The following AMZ1 variants were observed in gnomAD, a reference collection of about 807,000 sequenced individuals.
The protein encoded by AMZ1 is archaemetzincin-1.
In AMZ1, 39 loss-of-function variants were observed where a neutral mutation model predicts 29.9. That is an observed-to-expected ratio of 1.30 (90% CI 1.01 to 1.70). The LOEUF is 1.70. Among genes scored for constraint, AMZ1 ranks in the 40% most tolerant of loss-of-function variants. The probability of loss-of-function intolerance (pLI) is 0.00; values close to 1 mark genes in which losing one functional copy is unlikely to be tolerated. For missense variants in AMZ1, 1,041 were observed against 680.6 expected (o/e 1.53, Z -5.89); for synonymous variants, 458 against 304.0 (o/e 1.51, Z -5.27).
Position 2,714,607 on chromosome 7 carries a change from A to C in AMZ1, c.*1729A>C, listed in dbSNP as rs1250524333. ...GCCGGAGCCTGGTGGCTGTTGCTGC[A>C]AACAACCACCCAAAACTTAGTGGCT... On this transcript the variant is annotated 3_prime_UTR_variant, in exon 7 of 7. Transcript: ENST00000683327. 2 of 152,282 alleles carry C rather than the reference A, an allele frequency of 1.3e-5. No individual in the cohort carries two copies. Among genetic ancestry groups the C allele is most frequent in the Admixed American group, 6.5e-5 (1 of 15,280 alleles). 9.4% of individuals were successfully genotyped at this position (152,282 alleles called of 1,614,324 possible).
At chr7:2,708,972 G>A (rs1040415763) in intron 4 of AMZ1, 103 bp from the exon 5 acceptor site, 103 of 1,401,456 alleles carry the variant, frequency 7.3e-5, no homozygotes, top group Non-Finnish European at 9.6e-5. Flanking sequence ...GTATGTCTTT[G>A]GGCCATGGCC....
chr7:2,684,443 C>T (rs1234977198), upstream of AMZ1, among the ~76,000 whole-genome samples: 2 of 152,224 alleles, frequency 1.3e-5, no homozygotes, highest in Non-Finnish European at 2.9e-5. Context: ...CAAGGTGAAG[C>T]AGCTTCCCCA....
At chr7:2,682,890 C>G (rs146152926) in intron 1 of AMZ1, among the ~76,000 whole-genome samples, 1 of 152,212 alleles carries the variant, frequency 6.6e-6, no homozygotes, top group Non-Finnish European at 1.5e-5. Context: ...CCTGGCACAC[C>G]CCCATCTCTG....
chr7:2,708,625 G>A lies in AMZ1; in HGVS notation c.510G>A (p.Gly170=), dbSNP rs144655801. ...ILSFLKNNKP[G]DALCVLGLTL... Reference sequence around the variant, plus strand: ...CCTTCTTGAAGAACAACAAGCCAGGGGACGCGCTGTGTGTGCTGGGCCTCA... The same window carrying A: ...CCTTCTTGAAGAACAACAAGCCAGGAGACGCGCTGTGTGTGCTGGGCCTCA... Residue 170 remains glycine (G), a synonymous_variant, in exon 4 of 7, where the codon GGG becomes GGA. Transcript: ENST00000683327. 7 of 1,613,088 alleles carry A rather than the reference G, an allele frequency of 4.3e-6. No homozygotes were observed. The highest frequency in any genetic ancestry group is 1.7e-4 in the Middle Eastern group (1 of 6,050).
rs537422196 is a variant in AMZ1, at chr7:2,698,996, G to C, written c.-218-1238G>C. 3.3e-4 allele frequency among the ~76,000 whole-genome samples: 50 copies of C among 152,272 alleles called. 1 individual carries two copies. Among genetic ancestry groups the C allele is most frequent in the African/African-American group, 1.2e-3 (50 of 41,540 alleles). On this transcript the variant is annotated intron_variant, in intron 1 of 6. Coordinates refer to ENST00000683327, the MANE Select transcript of AMZ1 (RefSeq NM_001384743.1). Reference sequence around the variant, plus strand: ...TAGCTCAGCTTTCTACAGGAAGCTTGTCCGAGGGCTGCTGATTCATAAGGG... The same window carrying C: ...TAGCTCAGCTTTCTACAGGAAGCTTCTCCGAGGGCTGCTGATTCATAAGGG...
chr7:2,720,313 A>C, downstream of AMZ1, among the ~76,000 whole-genome samples: 1 of 152,212 alleles, frequency 6.6e-6, no homozygotes, highest in Non-Finnish European at 1.5e-5. Context: ...CCCCGTTTCC[A>C]TGTCTCCCCA....
At position 2,719,386 on chromosome 7, in the gene AMZ1, CCCT is replaced by C. The variant is rs1428044033; in HGVS notation, c.*6513_*6515del. ...AAAGGCCCGCGCGCCTGGCAGAGCT[CCCT>C]CCTCTGCTCCAACAGCAGAGCCCAG... is the stretch of plus-strand genomic sequence containing the variant. On this transcript the variant is annotated 3_prime_UTR_variant, in exon 7 of 7. Coordinates refer to ENST00000683327, the MANE Select transcript of AMZ1 (RefSeq NM_001384743.1). Among the ~76,000 whole-genome samples the C allele has an allele frequency of 6.6e-6, 1 of 152,226 alleles. No homozygotes were observed. The highest frequency in any genetic ancestry group is 1.5e-5 in the Non-Finnish European group (1 of 68,042).
upstream of AMZ1, among the ~76,000 whole-genome samples, chr7:2,687,572 G>A (rs545978534): frequency 6.6e-6 from 1 of 152,364 alleles, no homozygotes; most frequent in Non-Finnish European, 1.5e-5. Flanking sequence ...CGCACTTAGA[G>A]TCCTTTCCAT....
At chr7:2,757,037 G>A (rs564746717) in intron 4 of AMZ1, among the ~76,000 whole-genome samples, 39 of 152,228 alleles carry the variant, frequency 2.6e-4, no homozygotes, top group South Asian at 2.5e-3. Context: ...TTGTGCCAGT[G>A]GCACTCCAGT....
upstream of AMZ1, among the ~76,000 whole-genome samples, chr7:2,686,506 C>G (rs976236263): frequency 3.9e-5 from 6 of 152,084 alleles, no homozygotes; most frequent in African/African-American, 1.4e-4. Context: ...TGCATTCTAG[C>G]TTGGGCAATA....
At chr7:2,732,015 C>T (rs1789922373) in intron 4 of AMZ1, among the ~76,000 whole-genome samples, 1 of 152,192 alleles carries the variant, frequency 6.6e-6, no homozygotes, top group Non-Finnish European at 1.5e-5. Flanking sequence ...AGCGCAAAAC[C>T]ACATCCATTT....
downstream of AMZ1, among the ~76,000 whole-genome samples, chr7:2,723,072 G>T (rs765543497): frequency 2.0e-5 from 3 of 152,210 alleles, no homozygotes; most frequent in Non-Finnish European, 2.9e-5. Context: ...CATTTGCATG[G>T]CAGTTGTACA....
At chr7:2,703,787 A>G (rs976593540) in intron 3 of AMZ1, among the ~76,000 whole-genome samples, 5 of 152,258 alleles carry the variant, frequency 3.3e-5, no homozygotes, top group Middle Eastern at 3.4e-3. Context: ...ATATTAATCC[A>G]TCTTACTCTC....
intron 1 of AMZ1, among the ~76,000 whole-genome samples, chr7:2,682,223 C>G (rs957868581): frequency 3.3e-5 from 5 of 151,620 alleles, no homozygotes; most frequent in Non-Finnish European, 5.9e-5. Flanking sequence ...TCCCCCCGCT[C>G]TTCGTGCTGG....
intron 4 of AMZ1, chr7:2,728,912 A>AG (rs1789743360): frequency 6.6e-6 from 1 of 152,412 alleles, no homozygotes; most frequent in Non-Finnish European, 1.5e-5. Flanking sequence ...GTCAGCGCTG[A>AG]GCGGGTCAAG....
At chr7:2,722,946 T>A (rs1789482194), downstream of AMZ1, among the ~76,000 whole-genome samples, 1 of 151,740 alleles carries the variant, frequency 6.6e-6, no homozygotes, top group Non-Finnish European at 1.5e-5. Flanking sequence ...ACCACTGCAC[T>A]CCAGCCTGGG....
chr7:2,739,493 A>G (rs910696757), intron 4 of AMZ1, among the ~76,000 whole-genome samples: 1 of 99,058 alleles, frequency 1.0e-5, no homozygotes, highest in Admixed American at 1.1e-4. Context: ...ATATATATGT[A>G]TATTACATGC....
At chr7:2,707,048 A>G (rs1788394590) in intron 3 of AMZ1, among the ~76,000 whole-genome samples, 1 of 152,136 alleles carries the variant, frequency 6.6e-6, no homozygotes, top group East Asian at 1.9e-4. Flanking sequence ...ACCGAGGCAG[A>G]CGGATCACGA....
chr7:2,763,490 G>C (rs556825332), upstream of AMZ1, among the ~76,000 whole-genome samples: 3 of 152,364 alleles, frequency 2.0e-5, no homozygotes, highest in South Asian at 6.2e-4. Flanking sequence ...CCCGGCAGCA[G>C]TGCTGCTCTA....
Sources: allele counts gnomAD v4.1 joint callset (sites outside exome capture counted in the v4.1 genomes callset), GRCh38; gene constraint gnomAD v4.1.1; transcripts MANE v1.5; gene names NCBI Gene and HGNC (gene_info 2026-07-23, HGNC 2026-07-21).